The following PDE1C variants were observed in gnomAD, a reference collection of about 807,000 sequenced individuals.
PDE1C encodes the protein phosphodiesterase 1C.
In PDE1C, 62 loss-of-function variants were observed where a neutral mutation model predicts 93.1. The ratio of observed to expected loss-of-function variants is 0.67; its 90% confidence interval spans 0.54 to 0.82. The LOEUF is 0.82. Ranked by LOEUF, PDE1C falls within the 40% of genes least tolerant of loss-of-function variation. PDE1C has a pLI of 0.00. For synonymous variants in PDE1C, 325 were observed against 310.1 expected (o/e 1.05, Z -0.50); for missense variants, 742 against 884.6 (o/e 0.84, Z 2.04).
At chr7:32,330,682 C>G (rs6462358) in intron 1 of PDE1C, among the ~76,000 whole-genome samples, 1 of 152,140 alleles carries the variant, frequency 6.6e-6, no homozygotes, top group Admixed American at 6.5e-5. Context: ...AAGGCCTGTT[C>G]CCGAGCCCCA....
intron 1 of PDE1C, among the ~76,000 whole-genome samples, chr7:32,331,679 A>G (rs1037982031): frequency 2.2e-4 from 33 of 152,168 alleles, no homozygotes; most frequent in Non-Finnish European, 3.5e-4. Flanking sequence ...ATGTGATCCA[A>G]TGGGAGGCAT....
At chr7:31,937,654 C>T (rs1462706013) in intron 2 of PDE1C, among the ~76,000 whole-genome samples, 1 of 152,152 alleles carries the variant, frequency 6.6e-6, no homozygotes, top group Non-Finnish European at 1.5e-5. Context: ...CAAGTCACAT[C>T]AAATAGACTT....
At position 32,420,229 on chromosome 7, in the gene PDE1C, A is replaced by ATGTATATATGTGTATATATATACATG. The variant is rs1785386438; in HGVS notation, c.310+7592_310+7593insCATGTATATATATACACATATATACA. On this transcript the variant is annotated intron_variant, in intron 1 of 1. Coordinates refer to the PDE1C transcript ENST00000672256. ...CATATATATGTATATATACATATAT[A>ATGTATATATGTGTATATATATACATG]TGTATATATATGTGTATATATATAC... is the stretch of plus-strand genomic sequence containing the variant. 7.9e-5 allele frequency among the ~76,000 whole-genome samples: 2 copies of ATGTATATATGTGTATATATATACATG among 25,266 alleles called. 1 individual carries two copies. Among genetic ancestry groups the ATGTATATATGTGTATATATATACATG allele is most frequent in the Non-Finnish European group, 1.9e-4 (2 of 10,596 alleles). The allele number at this position is 25,266 out of a possible 152,430, so 16.6% of individuals were successfully genotyped here.
chr7:32,011,569 C>T (rs1487421014), intron 2 of PDE1C, among the ~76,000 whole-genome samples: 2 of 152,154 alleles, frequency 1.3e-5, no homozygotes, highest in Non-Finnish European at 2.9e-5. Flanking sequence ...TAAGTAAGCA[C>T]ATGGAAATAC....
At chr7:32,240,645 C>T (rs1808477272) in intron 1 of PDE1C, among the ~76,000 whole-genome samples, 1 of 152,078 alleles carries the variant, frequency 6.6e-6, no homozygotes, top group Admixed American at 6.5e-5. Flanking sequence ...AAGGTGAGGA[C>T]TCTTGTGTCT....
At chr7:31,775,614 T>C (rs1172162307) in intron 17 of PDE1C, 50 bp downstream of exon 17, 1 of 1,494,102 alleles carries the variant, frequency 6.7e-7, no homozygotes. Flanking sequence ...AAACCAGGCC[T>C]TTCCATTGTC....
intron 7 of PDE1C, among the ~76,000 whole-genome samples, chr7:31,855,778 G>C (rs775900756): frequency 4.3e-5 from 6 of 140,006 alleles, no homozygotes; most frequent in Non-Finnish European, 9.3e-5. Context: ...AAGATATGCA[G>C]CTTCTCCTTT....
intron 8 of PDE1C, among the ~76,000 whole-genome samples, chr7:31,848,603 G>A (rs1792925856): frequency 6.6e-6 from 1 of 152,058 alleles, no homozygotes; most frequent in African/African-American, 2.4e-5. Context: ...GGAAAATTGA[G>A]AATAAAGAAT....
chr7:31,959,429 G>C (rs1163636071), intron 2 of PDE1C, among the ~76,000 whole-genome samples: 2 of 152,154 alleles, frequency 1.3e-5, no homozygotes, highest in Non-Finnish European at 2.9e-5. Context: ...GGCCAGGCTG[G>C]TCTTAAACTC....
chr7:32,112,240 C>A (rs1045867256), intron 3 of PDE1C, among the ~76,000 whole-genome samples: 1 of 152,114 alleles, frequency 6.6e-6, no homozygotes, highest in Non-Finnish European at 1.5e-5. Flanking sequence ...TGTTTTCTAT[C>A]TTCTCCTGCT....
At chr7:31,633,940 G>C in the PDE1C span, among the ~76,000 whole-genome samples, 1 of 152,088 alleles carries the variant, frequency 6.6e-6, no homozygotes, top group African/African-American at 2.4e-5. Context: ...TGTGAACTCA[G>C]ACTATTTTAA....
At chr7:32,226,722 G>A (rs947625645) in intron 1 of PDE1C, among the ~76,000 whole-genome samples, 3 of 152,202 alleles carry the variant, frequency 2.0e-5, no homozygotes, top group Admixed American at 6.5e-5. Context: ...TAGGAAGCAC[G>A]CAGTATGCAG....
intron 2 of PDE1C, among the ~76,000 whole-genome samples, chr7:31,933,884 C>G (rs1175889066): frequency 6.6e-6 from 1 of 152,208 alleles, no homozygotes; most frequent in African/African-American, 2.4e-5. Flanking sequence ...CCTGCAGAAC[C>G]ATGAGCCAAT....
chr7:31,748,174 CTA>C (rs1794046068), downstream of PDE1C, among the ~76,000 whole-genome samples: 1 of 152,236 alleles, frequency 6.6e-6, no homozygotes, highest in Non-Finnish European at 1.5e-5. Context: ...AGGGAATCAA[CTA>C]TGTCAGATTT....
intron 7 of PDE1C, among the ~76,000 whole-genome samples, chr7:31,860,436 A>G (rs1794557115): frequency 6.6e-6 from 1 of 152,188 alleles, no homozygotes; most frequent in Non-Finnish European, 1.5e-5. Context: ...CAACATTTTT[A>G]CCCATATGTA....
intron 1 of PDE1C, among the ~76,000 whole-genome samples, chr7:32,283,839 A>T (rs1811832249): frequency 6.6e-6 from 1 of 152,192 alleles, no homozygotes; most frequent in South Asian, 2.1e-4. Flanking sequence ...TCCAAATTTG[A>T]AAACAGCCAT....
chr7:31,812,436 A>G (rs1325949674), intron 15 of PDE1C, among the ~76,000 whole-genome samples: 2 of 152,132 alleles, frequency 1.3e-5, no homozygotes, highest in African/African-American at 4.8e-5. Flanking sequence ...CCCACTGACT[A>G]GACCTGGGGT....
At chr7:32,093,532 T>C (rs1478807004) in intron 3 of PDE1C, among the ~76,000 whole-genome samples, 1 of 152,196 alleles carries the variant, frequency 6.6e-6, no homozygotes, top group Non-Finnish European at 1.5e-5. Context: ...ATTCAACTGC[T>C]TAGAAATGTG....
intron 6 of PDE1C, among the ~76,000 whole-genome samples, chr7:31,867,073 A>G (rs1396147088): frequency 6.6e-6 from 1 of 152,048 alleles, no homozygotes; most frequent in Admixed American, 6.6e-5. Flanking sequence ...TTGTATCCCC[A>G]TAACTCTGGA....
Sources: gnomAD v4.1 joint callset for allele counts (sites outside exome capture counted in the v4.1 genomes callset) on GRCh38, gnomAD v4.1.1 for gene constraint, MANE v1.5 for transcripts, NCBI Gene and HGNC (gene_info 2026-07-23, HGNC 2026-07-21) for gene names.